GFI1: variants seen among roughly 807,000 people sequenced by gnomAD.
GFI1 encodes growth factor independent 1 transcriptional repressor, also known as zinc finger protein Gfi-1.
Under a neutral mutation model 39.2 loss-of-function variants are expected in GFI1, and 15 were observed. The observed-to-expected ratio is 0.38, with a 90% CI of 0.26 to 0.59. GFI1 has a LOEUF of 0.59. Among genes scored for constraint, GFI1 ranks in the 20% least tolerant of loss-of-function variants. The probability of loss-of-function intolerance (pLI) is 0.62; values close to 1 mark genes in which losing one functional copy is unlikely to be tolerated. For synonymous variants in GFI1, 239 were observed against 254.3 expected (o/e 0.94, Z 0.57); for missense variants, 475 against 574.0 (o/e 0.83, Z 1.76).
At chr1:92,477,123 C>A (rs1468995315) in intron 6 of GFI1, among the ~76,000 whole-genome samples, 2 of 152,188 alleles carry the variant, frequency 1.3e-5, no homozygotes, top group Non-Finnish European at 2.9e-5. Flanking sequence ...CTCTGTCCTC[C>A]TTGCTAAAAA....
In GFI1 at chr1:92,484,190, G is replaced by A. The variant is rs1189283425; in HGVS notation, c.-99-604C>T. ...AGCAGAGGGATTGGGGACAGCAGAG[G>A]CCAGAGAAAGGAGGTGGGAGAGCAA... On this transcript the variant is annotated intron_variant, in intron 1 of 6. Coordinates refer to ENST00000294702, the MANE Select transcript of GFI1 (RefSeq NM_005263.5). The surrounding 1 kb of genome is among the most constrained non-coding windows in gnomAD (Gnocchi z 4.1). 1.3e-5 allele frequency among the ~76,000 whole-genome samples: 2 copies of A among 152,178 alleles called. No homozygotes were observed. Among genetic ancestry groups the A allele is most frequent in the Non-Finnish European group, 2.9e-5 (2 of 68,034 alleles).
chr1:92,482,782 A>T lies in GFI1; in HGVS notation c.298+82T>A, dbSNP rs1316545039. On this transcript the variant is annotated intron_variant, in intron 3 of 6. Coordinates refer to ENST00000294702, the MANE Select transcript of GFI1 (RefSeq NM_005263.5). This position sits in a 1 kb window ranked among gnomAD's most constrained non-coding sequence, Gnocchi z 4.4. The stretch of plus-strand genomic sequence containing the variant: ...TCTCCAACTCCCCGTTAGCATTTCT[A>T]CGCCCAAGGTCGCGCCAATTCCCCC... The T allele has an allele frequency of 2.7e-6, 3 of 1,097,210 alleles. No individual in the cohort carries two copies. Among genetic ancestry groups the T allele is most frequent in the South Asian group, 2.5e-5 (2 of 79,004 alleles). The allele number at this position is 1,097,210 out of a possible 1,614,324, so 68.0% of individuals were successfully genotyped here. A position where few individuals can be genotyped will look rare whatever the true frequency, so the allele number is the denominator to read the frequency against.
At chr1:92,476,780 T>C (rs996721822) in intron 6 of GFI1, among the ~76,000 whole-genome samples, 1 of 152,110 alleles carries the variant, frequency 6.6e-6, no homozygotes, top group Non-Finnish European at 1.5e-5. Context: ...CTCTCTCTCT[T>C]TCTTTCTAAG....
chr1:92,481,128 C>T lies in GFI1; in HGVS notation c.299-40G>A, dbSNP rs548612130. The stretch of plus-strand genomic sequence containing the variant: ...GGGGAGCGTCCGGTCAGGCTTCAGA[C>T]GGCAGAGCGGAGGCCGCCGGGCTGC... On this transcript the variant is annotated intron_variant, in intron 3 of 6. Transcript: ENST00000294702. The surrounding 1 kb of genome is among the most constrained non-coding windows in gnomAD (Gnocchi z 4.3). 13 of 1,567,618 alleles carry T rather than the reference C, an allele frequency of 8.3e-6. No individual in the cohort carries two copies. In the African/African-American group the frequency reaches 1.4e-4, roughly 16 times the overall value.
At chr1:92,477,176 C>T (rs1272792572) in intron 6 of GFI1, among the ~76,000 whole-genome samples, 2 of 152,180 alleles carry the variant, frequency 1.3e-5, no homozygotes, top group Non-Finnish European at 2.9e-5. Flanking sequence ...GATAAGAAAC[C>T]ACCCATCAAA....
chr1:92,483,064 G>T lies in GFI1; in HGVS notation c.116-18C>A, dbSNP rs1183467127. ...AGTGCTGTCTGCAAAGAGGAGGCAG[G>T]TGAGGGGCTCAGGCTGGGACCGGTT... On this transcript the variant is annotated intron_variant, in intron 2 of 6. Coordinates refer to ENST00000294702, the MANE Select transcript of GFI1 (RefSeq NM_005263.5). The T allele has an allele frequency of 1.3e-6, 2 of 1,567,344 alleles. No homozygotes were observed. Among genetic ancestry groups the T allele is most frequent in the South Asian group, 1.2e-5 (1 of 85,362 alleles).
rs1284155569 is a variant in GFI1 at position 92,474,263 on chromosome 1, G to A, written c.*1766C>T. The stretch of plus-strand genomic sequence containing the variant: ...GTCTCCACAGAATCAAAGCGGTCAG[G>A]GTTGGACAGGAATGACAGAGCTGTC... On this transcript the variant is annotated 3_prime_UTR_variant, in exon 7 of 7. Coordinates refer to ENST00000294702, the MANE Select transcript of GFI1 (RefSeq NM_005263.5). 6.6e-6 allele frequency among the ~76,000 whole-genome samples: 1 copy of A among 152,158 alleles called. No individual in the cohort carries two copies. Among genetic ancestry groups the A allele is most frequent in the Non-Finnish European group, 1.5e-5 (1 of 68,036 alleles).
Position 92,473,656 on chromosome 1 carries a change from C to G in GFI1, c.*2373G>C, listed in dbSNP as rs6661028. ...CAGAGAAAAGCAGCATTCAAGCCCC[C>G]CTTTCCTGCCAACCTGGAGAGAAAG... On this transcript the variant is annotated 3_prime_UTR_variant, in exon 7 of 7. Coordinates refer to ENST00000294702, the MANE Select transcript of GFI1 (RefSeq NM_005263.5). Among the ~76,000 whole-genome samples the G allele has an allele frequency of 0.038, 5,720 of 152,232 alleles. 276 individuals carry two copies. The highest frequency in any genetic ancestry group is 0.11 in the African/African-American group (4,743 of 41,500).
chr1:92,480,763 G>C lies in GFI1; in HGVS notation c.624C>G (p.Ala208=). The C allele has an allele frequency of 1.2e-6, 2 of 1,600,604 alleles. No individual in the cohort carries two copies. Among genetic ancestry groups the C allele is most frequent in the Non-Finnish European group, 1.7e-6 (2 of 1,178,158 alleles). The change falls in exon 4 of 7, where the codon GCC becomes GCG. Residue 208 remains alanine (A), a synonymous_variant. Transcript: ENST00000294702. The surrounding 1 kb of genome is among the most constrained non-coding windows in gnomAD (Gnocchi z 5.6). ...GLYGDFGSAA[A]GLYERPTAAA... is the part of the protein sequence containing the mutation. The stretch of plus-strand genomic sequence containing the variant: ...CTGCCGTGGGCCTCTCATACAGCCC[G>C]GCTGCCGCAGACCCGAAGTCGCCGT...
At chr1:92,485,574 C>G (rs1023979055) in intron 1 of GFI1, among the ~76,000 whole-genome samples, 2 of 152,090 alleles carry the variant, frequency 1.3e-5, no homozygotes, top group African/African-American at 4.8e-5. Context: ...GAGATAGGGG[C>G]CCCGGGGCCT....
At position 92,481,778 on chromosome 1, in the gene GFI1, G is replaced by A. The variant is rs1259941652; in HGVS notation, c.299-690C>T. Reference sequence around the variant, plus strand: ...TCCTGTTACAGTTTGATGGAGGCGGGGAACCTGAATTTCTCAGAGAATAAC... The same window carrying A: ...TCCTGTTACAGTTTGATGGAGGCGGAGAACCTGAATTTCTCAGAGAATAAC... On this transcript the variant is annotated intron_variant, in intron 3 of 6. Transcript: ENST00000294702. The surrounding 1 kb of genome is among the most constrained non-coding windows in gnomAD (Gnocchi z 4.3). Among the ~76,000 whole-genome samples, 1 of 152,072 alleles carries A rather than the reference G, an allele frequency of 6.6e-6. No individual in the cohort carries two copies. The highest frequency in any genetic ancestry group is 6.5e-5 in the Admixed American group (1 of 15,272).
chr1:92,481,633 T>C lies in GFI1; in HGVS notation c.299-545A>G, dbSNP rs1475420503. On this transcript the variant is annotated intron_variant, in intron 3 of 6. Coordinates refer to ENST00000294702, the MANE Select transcript of GFI1 (RefSeq NM_005263.5). The surrounding 1 kb of genome is among the most constrained non-coding windows in gnomAD (Gnocchi z 4.3). ...TGCGGCCCCGAACTACCCGAAAGGC[T>C]GCTGTCTGAATAAACCCGAAGGTAT... Among the ~76,000 whole-genome samples the C allele has an allele frequency of 1.3e-5, 2 of 152,190 alleles. No homozygotes were observed. Among genetic ancestry groups the C allele is most frequent in the Non-Finnish European group, 2.9e-5 (2 of 68,028 alleles).
At chr1:92,483,946 A>C (rs1390211639) in intron 1 of GFI1, 2 of 275,836 alleles carry the variant, frequency 7.3e-6, no homozygotes, top group Non-Finnish European at 1.5e-5. Flanking sequence ...GGGTTACCCC[A>C]ACTCAGCTAC....
Position 92,483,622 on chromosome 1 carries a change from C to G in GFI1, c.-99-36G>C, listed in dbSNP as rs1415320367. 5 of 699,302 alleles carry G rather than the reference C, an allele frequency of 7.1e-6. No individual in the cohort carries two copies. The African/African-American group carries it at 8.8e-5, about 12-fold the overall frequency. The allele number at this position is 699,302 out of a possible 1,614,324, so 43.3% of individuals were successfully genotyped here. ...AAGAAAACCAGGTGGAGACGTGGGTCAGTACTCTCCGGTGCGGCGGACTGG... is the reference window on the plus strand; with the variant it reads ...AAGAAAACCAGGTGGAGACGTGGGTGAGTACTCTCCGGTGCGGCGGACTGG... On this transcript the variant is annotated intron_variant, in intron 1 of 6. Transcript: ENST00000294702.
Position 92,483,034 on chromosome 1 carries a change from T to C in GFI1, c.128A>G (p.Asn43Ser), listed in dbSNP as rs769149614. 4 of 1,594,696 alleles carry C rather than the reference T, an allele frequency of 2.5e-6. No individual in the cohort carries two copies. The African/African-American group carries it at 5.4e-5, about 21-fold the overall frequency. ...GGGCTCCGCCTTCGCCCCGCCTGCATTTGAAGTGCTGTCTGCAAAGAGGAG... is the reference window on the plus strand; with the variant it reads ...GGGCTCCGCCTTCGCCCCGCCTGCACTTGAAGTGCTGTCTGCAAAGAGGAG... ...PAPSRADSTS[N>S]AGGAKAEPRD... is the part of the protein sequence containing the mutation. Residue 43 changes from asparagine to serine, a missense_variant, in exon 3 of 7, where the codon AAT becomes AGT. Transcript: ENST00000294702.
rs1657915414 is a variant in GFI1 at position 92,475,520 on chromosome 1, A to G, written c.*509T>C. Reference sequence around the variant, plus strand: ...GGCAGCACCCAAAAGAAAGGAGTCAACAGACCCCCCAGAAGGAAAAAAATA... The same window carrying G: ...GGCAGCACCCAAAAGAAAGGAGTCAGCAGACCCCCCAGAAGGAAAAAAATA... On this transcript the variant is annotated 3_prime_UTR_variant, in exon 7 of 7. Coordinates refer to ENST00000294702, the MANE Select transcript of GFI1 (RefSeq NM_005263.5). The G allele has an allele frequency of 5.7e-6, 1 of 174,004 alleles. No individual in the cohort carries two copies. The highest frequency in any genetic ancestry group is 2.4e-5 in the African/African-American group (1 of 41,820). The allele number at this position is 174,004 out of a possible 1,614,324, so 10.8% of individuals were successfully genotyped here.
At position 92,480,996 on chromosome 1, in the gene GFI1, C is replaced by T. The variant is rs750742235; in HGVS notation, c.391G>A (p.Asp131Asn). The change falls in exon 4 of 7, where the codon GAC becomes AAC. Residue 131 changes from aspartate to asparagine, a missense_variant. Around this residue, in one of 4 missense-constraint regions of GFI1, gnomAD observed 275 missense variants for 275.8 expected, o/e 1.00. Transcript: ENST00000294702. This position sits in a 1 kb window ranked among gnomAD's most constrained non-coding sequence, Gnocchi z 5.6. ...PYSWSGLAGS[D>N]LRHLVQSYRP... ...TAGCTCTGCACCAGGTGCCGCAGGTCAGAACCCGCCAGGCCGCTCCATGAG... is the reference window on the plus strand; with the variant it reads ...TAGCTCTGCACCAGGTGCCGCAGGTTAGAACCCGCCAGGCCGCTCCATGAG... 2.4e-5 allele frequency: 38 copies of T among 1,608,844 alleles called. No individual in the cohort carries two copies. Among genetic ancestry groups the T allele is most frequent in the Admixed American group, 5.0e-5 (3 of 59,536 alleles).
At chr1:92,483,304 C>T (rs1557672287) in intron 2 of GFI1, 69 bp downstream of exon 2, 8 of 889,382 alleles carry the variant, frequency 9.0e-6, no homozygotes, top group Non-Finnish European at 1.5e-5. Context: ...CAGCTCCGGA[C>T]TAATGGTGTG....
intron 5 of GFI1, 22 bp from the exon 6 acceptor site, chr1:92,478,775 G>T: frequency 6.2e-7 from 1 of 1,609,246 alleles, no homozygotes; most frequent in South Asian, 1.1e-5. Context: ...GAGAGAGAGA[G>T]AGAGAGAGAG....
Sources: gnomAD v4.1 joint callset for allele counts (sites outside exome capture counted in the v4.1 genomes callset) on GRCh38, gnomAD v4.1.1 for gene constraint, gnomAD v4.1.1 regional missense constraint, Gnocchi (gnomAD v3.1) non-coding constraint, MANE v1.5 for transcripts, NCBI Gene and HGNC (gene_info 2026-07-23, HGNC 2026-07-21) for gene names.